BOD1L1: variants seen among roughly 807,000 people sequenced by gnomAD.
The protein encoded by BOD1L1 is biorientation of chromosomes in cell division 1 like 1.
Under a neutral mutation model 240.7 loss-of-function variants are expected in BOD1L1, and 86 were observed. The observed-to-expected ratio is 0.36, with a 90% CI of 0.30 to 0.43. The LOEUF (loss-of-function observed/expected upper bound fraction) is 0.43. BOD1L1 is among the 20% of genes least tolerant of loss of function. BOD1L1 has a pLI of 1.00. For missense variants in BOD1L1, 3,554 were observed against 3,643.5 expected (o/e 0.98, Z 0.63); for synonymous variants, 1,268 against 1,272.3 (o/e 1.00, Z 0.07).
At position 13,601,185 on chromosome 4, in the gene BOD1L1, G is replaced by C; in HGVS notation, c.5715C>G (p.Asp1905Glu). The C allele has an allele frequency of 6.2e-7, 1 of 1,613,948 alleles. No individual in the cohort carries two copies. The highest frequency in any genetic ancestry group is 1.3e-5 in the African/African-American group (1 of 75,032). Residue 1905 changes from aspartate to glutamate, a missense_variant, in exon 10 of 26, where the codon GAC (aspartate) becomes GAG (glutamate). Physicochemically the swap from Asp to Glu is conservative, Grantham distance 45. Around this residue, in one of 2 missense-constraint regions of BOD1L1, gnomAD observed 3,393 missense variants for 3,427.1 expected, o/e 0.99. Transcript: ENST00000040738. ...GCTCTACCACAGTACCAATCTGACTGTCCCCTTCTGCACTTTCACAAATCA... is the reference window on the plus strand; with the variant it reads ...GCTCTACCACAGTACCAATCTGACTCTCCCCTTCTGCACTTTCACAAATCA... ...GVLICESAEGDSQIGTVVEHV... is the reference protein window; with the variant it reads ...GVLICESAEGESQIGTVVEHV...
At chr4:13,572,819 G>A in intron 25 of BOD1L1, 1 of 1,289,754 alleles carries the variant, frequency 7.8e-7, no homozygotes, top group Non-Finnish European at 1.0e-6. Context: ...TGTTGCACGT[G>A]CAGATGGCTT....
chr4:13,625,816 C>A (rs1192241188), intron 1 of BOD1L1: 3 of 152,010 alleles, frequency 2.0e-5, no homozygotes, highest in Non-Finnish European at 4.4e-5. Flanking sequence ...ATGAACACTC[C>A]CAAGTGAATT....
chr4:13,614,298 CT>C lies in BOD1L1; in HGVS notation c.1071del (p.Val358LeufsTer12). On this transcript the variant is annotated frameshift_variant, in exon 4 of 26. Transcript: ENST00000040738. LOFTEE classifies it high-confidence loss of function. Reference sequence around the variant, plus strand: ...TCCTTTGCTTGTTTTTCATCTTTAACTTTCTGTGTATCTTCACTCTTTTTTG... The same window carrying C: ...TCCTTTGCTTGTTTTTCATCTTTAACTTCTGTGTATCTTCACTCTTTTTTG... ...DHSKKSEDTQ[K>X]VKDEKQAKEK... is the part of the protein sequence containing the mutation. 1 of 1,548,826 alleles carries C rather than the reference CT, an allele frequency of 6.5e-7. No homozygotes were observed. The highest frequency in any genetic ancestry group is 8.7e-7 in the Non-Finnish European group (1 of 1,146,372).
intron 1 of BOD1L1, among the ~76,000 whole-genome samples, chr4:13,622,784 A>C (rs1717128264): frequency 6.6e-6 from 1 of 152,238 alleles, no homozygotes; most frequent in South Asian, 2.1e-4. Flanking sequence ...ACTTAGCAAG[A>C]AAGGGGAAGC....
At chr4:13,580,888 TATGA>T in intron 21 of BOD1L1, 128 bp downstream of exon 21, 1 of 769,976 alleles carries the variant, frequency 1.3e-6, no homozygotes, top group South Asian at 2.2e-5. Flanking sequence ...AATCAAAATA[TATGA>T]ATGGTTACTC....
chr4:13,613,339 C>G lies in BOD1L1; in HGVS notation c.1324+173G>C, dbSNP rs1716327789. On this transcript the variant is annotated intron_variant, in intron 5 of 25. Transcript: ENST00000040738. The surrounding 1 kb of genome is among the most constrained non-coding windows in gnomAD (Gnocchi z 4.0). ...GGGTTGTTGAGATTTAGTAACTTAC[C>G]AAGCTTGCTCAGACAGACAACTTTG... 6.6e-6 allele frequency among the ~76,000 whole-genome samples: 1 copy of G among 152,056 alleles called. No homozygotes were observed. Among genetic ancestry groups the G allele is most frequent in the Admixed American group, 6.6e-5 (1 of 15,258 alleles).
intron 17 of BOD1L1, among the ~76,000 whole-genome samples, chr4:13,584,441 A>ATTGT (rs1713500079): frequency 7.4e-6 from 1 of 134,814 alleles, no homozygotes. Context: ...AGAGAGAGAG[A>ATTGT]GTGTGTGTGT....
Position 13,614,374 on chromosome 4 carries a change from T to C in BOD1L1, c.996A>G (p.Gly332=). 1 of 1,556,218 alleles carries C rather than the reference T, an allele frequency of 6.4e-7. No homozygotes were observed. The highest frequency in any genetic ancestry group is 8.7e-7 in the Non-Finnish European group (1 of 1,148,882). Residue 332 remains glycine, a synonymous_variant, in exon 4 of 26, where the codon GGA becomes GGG. Transcript: ENST00000040738. ...TTTCCTTCTTTTCTTTCTTTCTTTCTCCTTTCTCATTGCTGTCTGGCTTCT... is the reference window on the plus strand; with the variant it reads ...TTTCCTTCTTTTCTTTCTTTCTTTCCCCTTTCTCATTGCTGTCTGGCTTCT... ...GEKKPDSNEK[G]ERKKEKKEKT... is the part of the protein sequence containing the mutation.
intron 17 of BOD1L1, among the ~76,000 whole-genome samples, chr4:13,585,895 T>G (rs531956804): frequency 6.6e-6 from 1 of 152,190 alleles, no homozygotes; most frequent in Non-Finnish European, 1.5e-5. Flanking sequence ...TCTACCATGA[T>G]TGTGAGGCCT....
In BOD1L1 at chr4:13,581,054, T is replaced by A. The variant is rs756253932; in HGVS notation, c.8669A>T (p.Lys2890Ile). ...KYPVETTLKM[K>I]DDSKTDTGIV... Reference sequence around the variant, plus strand: ...GCCAGTATCTGTTTTGGAGTCGTCTTCTAAAAAAAAAAAATTCACTTAGAA... The same window carrying A: ...GCCAGTATCTGTTTTGGAGTCGTCTACTAAAAAAAAAAAATTCACTTAGAA... The change falls in exon 21 of 26, where the codon AAA becomes ATA. Residue 2890 changes from lysine to isoleucine, a missense_variant and splice_region_variant. By Grantham distance (102) the Lys-to-Ile change is moderately radical. Coordinates refer to ENST00000040738, the MANE Select transcript of BOD1L1 (RefSeq NM_148894.3). 2 of 1,568,756 alleles carry A rather than the reference T, an allele frequency of 1.3e-6. No individual in the cohort carries two copies. Among genetic ancestry groups the A allele is most frequent in the South Asian group, 2.4e-5 (2 of 84,850 alleles).
At position 13,569,894 on chromosome 4, in the gene BOD1L1, G is replaced by C; in HGVS notation, c.*117C>G. Reference sequence around the variant, plus strand: ...ATAACAAGAAAAAGCTTGCACCTAGGGACTTACAGCACATGCATATCTTTT... The same window carrying C: ...ATAACAAGAAAAAGCTTGCACCTAGCGACTTACAGCACATGCATATCTTTT... On this transcript the variant is annotated 3_prime_UTR_variant, in exon 26 of 26. Coordinates refer to ENST00000040738, the MANE Select transcript of BOD1L1 (RefSeq NM_148894.3). The C allele has an allele frequency of 5.0e-6, 3 of 595,224 alleles. No individual in the cohort carries two copies. Among genetic ancestry groups the C allele is most frequent in the Non-Finnish European group, 8.0e-6 (3 of 375,520 alleles). 36.9% of individuals were successfully genotyped at this position (595,224 alleles called of 1,614,324 possible). A position where few individuals can be genotyped will look rare whatever the true frequency, so the allele number is the denominator to read the frequency against.
chr4:13,587,548 T>G (rs996760749), intron 16 of BOD1L1, 151 bp downstream of exon 16: 3 of 609,304 alleles, frequency 4.9e-6, no homozygotes, highest in African/African-American at 1.9e-5. Flanking sequence ...ACTCCGGAGG[T>G]ATCAAGCCAG....
At chr4:13,581,686 A>G (rs1325769917) in intron 19 of BOD1L1, among the ~76,000 whole-genome samples, 2 of 152,218 alleles carry the variant, frequency 1.3e-5, no homozygotes, top group Non-Finnish European at 2.9e-5. Context: ...TATGGTGCTC[A>G]GTCTCAAGCC....
chr4:13,591,068 A>T (rs886395502), intron 13 of BOD1L1, among the ~76,000 whole-genome samples: 26 of 150,852 alleles, frequency 1.7e-4, no homozygotes, highest in Non-Finnish European at 1.0e-4. Context: ...GTATTTTATT[A>T]AAAAAAAAAT....
rs779677747 is a variant in BOD1L1, at chr4:13,602,555, C to A, written c.4345G>T (p.Glu1449Ter). The A allele has an allele frequency of 6.2e-7, 1 of 1,613,968 alleles. No individual in the cohort carries two copies. Among genetic ancestry groups the A allele is most frequent in the South Asian group, 1.1e-5 (1 of 91,080 alleles). ...AGTTTGACAGTTTCAGCATATTTTT[C>A]TGTATTCAGGCCTACAACATGATCA... ...AVDHVVGLNT[E>*]KYAETVKLKH... The change falls in exon 10 of 26, where the codon GAA becomes TAA. Residue 1449 changes from glutamate (E) to a stop codon, truncating the protein, a stop_gained. Transcript: ENST00000040738. LOFTEE classifies it high-confidence loss of function.
Position 13,600,195 on chromosome 4 carries a change from A to G in BOD1L1, c.6705T>C (p.Val2235=), listed in dbSNP as rs1298869025. ...EECEASVSGV[V]VESENERAGT... is the part of the protein sequence containing the mutation. The stretch of plus-strand genomic sequence containing the variant: ...CAGCTCGCTCATTTTCACTTTCAAC[A>G]ACTACACCGGAAACAGAAGCCTCAC... The change falls in exon 10 of 26, where the codon GTT becomes GTC. Residue 2235 remains valine, a synonymous_variant. Coordinates refer to ENST00000040738, the MANE Select transcript of BOD1L1 (RefSeq NM_148894.3). 1 of 1,613,700 alleles carries G rather than the reference A, an allele frequency of 6.2e-7. No individual in the cohort carries two copies. The highest frequency in any genetic ancestry group is 1.3e-5 in the African/African-American group (1 of 74,848).
At chr4:13,626,458 A>G (rs1430766752) in intron 1 of BOD1L1, 1 of 154,980 alleles carries the variant, frequency 6.5e-6, no homozygotes, top group Non-Finnish European at 1.5e-5. Flanking sequence ...TGCTTCCAGA[A>G]TTCTAGACTG....
At chr4:13,592,061 C>T (rs1560190335) in intron 12 of BOD1L1, 95 bp from the exon 13 acceptor site, 1 of 853,170 alleles carries the variant, frequency 1.2e-6, no homozygotes, top group South Asian at 1.8e-5. Flanking sequence ...GGGAACCTAT[C>T]CTATGTCACC....
At chr4:13,588,407 C>G (rs1713900237) in intron 15 of BOD1L1, among the ~76,000 whole-genome samples, 1 of 152,136 alleles carries the variant, frequency 6.6e-6, no homozygotes, top group African/African-American at 2.4e-5. Context: ...TATCTTACAA[C>G]TGATGGCACA....
Sources: allele counts gnomAD v4.1 joint callset (sites outside exome capture counted in the v4.1 genomes callset), GRCh38; gene constraint gnomAD v4.1.1; regional missense constraint gnomAD v4.1.1; non-coding constraint Gnocchi (gnomAD v3.1); transcripts MANE v1.5; gene names NCBI Gene and HGNC (gene_info 2026-07-23, HGNC 2026-07-21).